FBXL7: variants seen among roughly 807,000 people sequenced by gnomAD.
FBXL7 encodes the protein F-box and leucine rich repeat protein 7.
Under a neutral mutation model 38.3 loss-of-function variants are expected in FBXL7, and 12 were observed. The observed-to-expected ratio is 0.31, with a 90% CI of 0.20 to 0.51. The LOEUF (loss-of-function observed/expected upper bound fraction) is 0.51, where lower values mean the gene tolerates loss of function less well. Among genes scored for constraint, FBXL7 ranks in the 20% least tolerant of loss-of-function variants. The pLI, the probability that FBXL7 is intolerant of heterozygous loss-of-function variation, is 0.98. For missense variants in FBXL7, 567 were observed against 676.4 expected, an observed-to-expected ratio of 0.84 and a Z score of 1.79; for synonymous variants, 297 against 300.9, an observed-to-expected ratio of 0.99 and a Z score of 0.13.
At chr5:15,630,928 T>G (rs1687733512) in intron 2 of FBXL7, among the ~76,000 whole-genome samples, 1 of 152,206 alleles carries the variant, frequency 6.6e-6, no homozygotes, top group African/African-American at 2.4e-5. Flanking sequence ...TAAAATTACC[T>G]ACCTCCTGTG....
At chr5:15,726,528 A>G (rs1297127802) in intron 2 of FBXL7, among the ~76,000 whole-genome samples, 1 of 152,012 alleles carries the variant, frequency 6.6e-6, no homozygotes, top group African/African-American at 2.4e-5. Context: ...CCCCGTCTCT[A>G]CTAAAAATAC....
At chr5:15,503,009 T>C (rs1026421996) in intron 1 of FBXL7, among the ~76,000 whole-genome samples, 3 of 152,196 alleles carry the variant, frequency 2.0e-5, no homozygotes, top group African/African-American at 7.2e-5. Flanking sequence ...GAGAGATTTA[T>C]TAAAGTAAAA....
At chr5:15,759,783 A>G (rs1442633720) in intron 2 of FBXL7, among the ~76,000 whole-genome samples, 1 of 152,204 alleles carries the variant, frequency 6.6e-6, no homozygotes, top group Non-Finnish European at 1.5e-5. Flanking sequence ...AACAAAATAG[A>G]CAAAGTCTCT....
chr5:15,736,903 C>T (rs959915816), intron 2 of FBXL7, among the ~76,000 whole-genome samples: 10 of 152,184 alleles, frequency 6.6e-5, no homozygotes, highest in Non-Finnish European at 1.3e-4. Context: ...CTAGAATTAT[C>T]ATAATATCTG....
chr5:15,736,084 G>A (rs564461771), intron 2 of FBXL7, among the ~76,000 whole-genome samples: 6 of 152,238 alleles, frequency 3.9e-5, no homozygotes, highest in African/African-American at 1.4e-4. Context: ...GTCTTTCTGG[G>A]TGTTTCATGT....
chr5:15,570,659 G>A (rs1417141318), intron 1 of FBXL7, among the ~76,000 whole-genome samples: 2 of 152,200 alleles, frequency 1.3e-5, no homozygotes, highest in African/African-American at 4.8e-5. Flanking sequence ...CAGCCCGTGT[G>A]TGTGCCAGCA....
chr5:15,862,861 G>A (rs781053703), intron 2 of FBXL7, among the ~76,000 whole-genome samples: 11 of 152,188 alleles, frequency 7.2e-5, no homozygotes, highest in African/African-American at 1.2e-4. Flanking sequence ...CCTTACTGAC[G>A]TGGAGGAAAG....
At chr5:15,520,325 C>T (rs1737063453) in intron 1 of FBXL7, among the ~76,000 whole-genome samples, 1 of 152,192 alleles carries the variant, frequency 6.6e-6, no homozygotes, top group Non-Finnish European at 1.5e-5. Context: ...TACCCAGCTG[C>T]TATTCAAGAT....
intron 2 of FBXL7, among the ~76,000 whole-genome samples, chr5:15,881,437 T>C (rs1740446807): frequency 6.6e-6 from 1 of 152,216 alleles, no homozygotes; most frequent in South Asian, 2.1e-4. Flanking sequence ...TGATGGGCAT[T>C]TGGGCTGGTT....
At chr5:15,916,899 G>C (rs898991689) in intron 2 of FBXL7, among the ~76,000 whole-genome samples, 3 of 152,190 alleles carry the variant, frequency 2.0e-5, no homozygotes, top group East Asian at 1.9e-4. Flanking sequence ...CCTATAGCAG[G>C]AGGGCCCAGA....
At chr5:15,700,817 A>G (rs746978189) in intron 2 of FBXL7, among the ~76,000 whole-genome samples, 1 of 151,954 alleles carries the variant, frequency 6.6e-6, no homozygotes, top group Non-Finnish European at 1.5e-5. Context: ...CTTTTTTTCT[A>G]CAGTATCATT....
chr5:15,740,544 C>G (rs1197667274), intron 2 of FBXL7, among the ~76,000 whole-genome samples: 2 of 152,130 alleles, frequency 1.3e-5, no homozygotes, highest in Non-Finnish European at 2.9e-5. Flanking sequence ...ACATTTGATG[C>G]AACTGGCTCC....
chr5:15,748,784 G>A (rs1736080049), intron 2 of FBXL7, among the ~76,000 whole-genome samples: 3 of 152,090 alleles, frequency 2.0e-5, no homozygotes, highest in Admixed American at 1.3e-4. Context: ...CTCACTGCAG[G>A]CTCAAACTTG....
At chr5:15,674,629 GT>G (rs1455586299) in intron 2 of FBXL7, among the ~76,000 whole-genome samples, 6 of 152,116 alleles carry the variant, frequency 3.9e-5, no homozygotes, top group African/African-American at 1.4e-4. Context: ...GGAGTTTTTG[GT>G]TTTAACTAAA....
intron 1 of FBXL7, among the ~76,000 whole-genome samples, chr5:15,589,639 A>G (rs1026354911): frequency 2.0e-5 from 3 of 152,172 alleles, no homozygotes; most frequent in Admixed American, 2.0e-4. Flanking sequence ...GATGAATTGC[A>G]TGATTTATTT....
intron 2 of FBXL7, among the ~76,000 whole-genome samples, chr5:15,663,457 G>A (rs1742159755): frequency 6.6e-6 from 1 of 152,114 alleles, no homozygotes; most frequent in African/African-American, 2.4e-5. Context: ...CTGTCTGCAG[G>A]TTTGTCATAG....
At chr5:15,719,921 T>C (rs1744146630) in intron 2 of FBXL7, among the ~76,000 whole-genome samples, 1 of 148,766 alleles carries the variant, frequency 6.7e-6, no homozygotes, top group East Asian at 1.9e-4. Flanking sequence ...AATCAGCTGA[T>C]AGCCATTCAC....
intron 2 of FBXL7, among the ~76,000 whole-genome samples, chr5:15,721,928 A>G (rs747206666): frequency 5.3e-5 from 8 of 152,046 alleles, no homozygotes; most frequent in Admixed American, 1.3e-4. Flanking sequence ...TCTGCCTCCC[A>G]GGTTCAAGCA....
chr5:15,782,398 G>T (rs1277679519), intron 2 of FBXL7, among the ~76,000 whole-genome samples: 1 of 152,122 alleles, frequency 6.6e-6, no homozygotes, highest in Non-Finnish European at 1.5e-5. Context: ...TTGAGGAATT[G>T]CCACAGTGTC....
Sources: allele counts gnomAD v4.1 joint callset (sites outside exome capture counted in the v4.1 genomes callset), GRCh38; gene constraint gnomAD v4.1.1; transcripts MANE v1.5; gene names NCBI Gene and HGNC (gene_info 2026-07-23, HGNC 2026-07-21).